The following AGPAT3 variants were observed in gnomAD, a reference collection of about 807,000 sequenced individuals.
The protein encoded by AGPAT3 is 1-acylglycerol-3-phosphate O-acyltransferase 3, also known as 1-acyl-sn-glycerol-3-phosphate acyltransferase gamma.
Under a neutral mutation model 47.3 loss-of-function variants are expected in AGPAT3, and 5 were observed. The observed-to-expected ratio is 0.11, with a 90% CI of 0.06 to 0.22. The LOEUF is 0.22. AGPAT3 is among the 10% of genes least tolerant of loss of function. The pLI is 1.00. For missense variants in AGPAT3, 315 were observed against 493.0 expected (o/e 0.64, Z 3.42); for synonymous variants, 212 against 208.3 (o/e 1.02, Z -0.15).
chr21:43,977,984 C>T (rs1181815149), intron 7 of AGPAT3, 62 bp from the exon 8 acceptor site: 2 of 1,405,060 alleles, frequency 1.4e-6, no homozygotes, highest in Non-Finnish European at 2.0e-6. Flanking sequence ...TCCCCTGTGC[C>T]CTCTTTCTAG....
In AGPAT3 at chr21:43,916,902, G is replaced by A. The variant is rs189892247; in HGVS notation, c.-49+12883G>A. Among the ~76,000 whole-genome samples, 172 of 152,278 alleles carry A rather than the reference G, an allele frequency of 1.1e-3. 2 individuals are homozygous for A. The East Asian group carries it at 0.028, about 25-fold the overall frequency. On this transcript the variant is annotated intron_variant, in intron 2 of 9. Transcript: ENST00000291572. ...TTTTGGTGGTGTTGAGCGGATAGCC[G>A]GGGAAGTTGGAGTCTTGTTTGTGGC...
At chr21:43,972,552 A>C (rs1346593945) in intron 7 of AGPAT3, among the ~76,000 whole-genome samples, 1 of 152,120 alleles carries the variant, frequency 6.6e-6, no homozygotes, top group Non-Finnish European at 1.5e-5. Flanking sequence ...AGACCCCAGG[A>C]GGAGCCTGGG....
chr21:43,915,404 G>GC (rs2086705592), intron 2 of AGPAT3, among the ~76,000 whole-genome samples: 2 of 74,328 alleles, frequency 2.7e-5, no homozygotes, highest in African/African-American at 5.5e-5. Flanking sequence ...TTCTTGATTA[G>GC]CTTTTTTTTT....
chr21:43,945,873 G>A (rs937127222), intron 2 of AGPAT3, among the ~76,000 whole-genome samples: 10 of 152,170 alleles, frequency 6.6e-5, no homozygotes, highest in South Asian at 6.2e-4. Context: ...GCACAGGAGC[G>A]TGGCTTTGTC....
intron 1 of AGPAT3, among the ~76,000 whole-genome samples, chr21:43,878,734 G>A (rs1372308573): frequency 6.9e-6 from 1 of 144,838 alleles, no homozygotes; most frequent in African/African-American, 2.7e-5. Context: ...ATTTCCATTT[G>A]TCTTTTTTTT....
Position 43,930,390 on chromosome 21 carries a change from C to T in AGPAT3, c.-49+26371C>T, listed in dbSNP as rs2087201032. On this transcript the variant is annotated intron_variant, in intron 2 of 9. Transcript: ENST00000291572. This position sits in a 1 kb window ranked among gnomAD's most constrained non-coding sequence, Gnocchi z 5.0. ...TAGCGGGGCAGAGCTGTGCTGAGCGCTGAGGGATCATTTGTGTAAAGCACC... is the reference window on the plus strand; with the variant it reads ...TAGCGGGGCAGAGCTGTGCTGAGCGTTGAGGGATCATTTGTGTAAAGCACC... 6.6e-6 allele frequency among the ~76,000 whole-genome samples: 1 copy of T among 152,166 alleles called. No individual in the cohort carries two copies. Among genetic ancestry groups the T allele is most frequent in the African/African-American group, 2.4e-5 (1 of 41,430 alleles).
At chr21:43,977,489 A>G (rs1360047865) in intron 7 of AGPAT3, among the ~76,000 whole-genome samples, 1 of 152,232 alleles carries the variant, frequency 6.6e-6, no homozygotes, top group Non-Finnish European at 1.5e-5. Flanking sequence ...CCTGCACAGA[A>G]GGCCACATCC....
intron 2 of AGPAT3, among the ~76,000 whole-genome samples, chr21:43,956,018 A>G (rs1269886669): frequency 6.6e-6 from 1 of 152,074 alleles, no homozygotes; most frequent in Non-Finnish European, 1.5e-5. Flanking sequence ...GCTGGCCCTC[A>G]AGCAGGCTTC....
intron 2 of AGPAT3, among the ~76,000 whole-genome samples, chr21:43,943,248 G>A (rs767915130): frequency 3.3e-5 from 5 of 151,986 alleles, no homozygotes; most frequent in Non-Finnish European, 7.4e-5. Context: ...CTAATTTTTT[G>A]TATTTTTAAT....
chr21:43,944,467 C>G (rs1373795653), intron 2 of AGPAT3, among the ~76,000 whole-genome samples: 1 of 152,252 alleles, frequency 6.6e-6, no homozygotes, highest in Non-Finnish European at 1.5e-5. Flanking sequence ...CCAGGGCACT[C>G]TCTTTCCTGG....
At chr21:43,884,230 C>T (rs2085916639) in intron 1 of AGPAT3, among the ~76,000 whole-genome samples, 1 of 151,886 alleles carries the variant, frequency 6.6e-6, no homozygotes, top group African/African-American at 2.4e-5. Flanking sequence ...TTCCTCCTCT[C>T]CTCTTCCCCA....
At chr21:43,884,135 CTCGCAGGCCT>C (rs1478895641) in intron 1 of AGPAT3, among the ~76,000 whole-genome samples, 10 of 152,192 alleles carry the variant, frequency 6.6e-5, no homozygotes, top group Admixed American at 2.0e-4. Flanking sequence ...CCAGTCTCAG[CTCGCAGGCCT>C]TCCTGGACGT....
intron 8 of AGPAT3, among the ~76,000 whole-genome samples, chr21:43,979,298 C>CAAA (rs540542305): frequency 0.014 from 828 of 57,602 alleles, 27 homozygotes; most frequent in African/African-American, 0.034. Context: ...GACTCCAACT[C>CAAA]AAAAAAAAAA....
chr21:43,926,860 C>T (rs2087072246), intron 2 of AGPAT3, among the ~76,000 whole-genome samples: 1 of 150,754 alleles, frequency 6.6e-6, no homozygotes, highest in Admixed American at 6.7e-5. Flanking sequence ...ACTTGGGAGG[C>T]TGAGGCAGGA....
At chr21:43,883,646 TAC>T (rs1161587877) in intron 1 of AGPAT3, among the ~76,000 whole-genome samples, 4 of 152,206 alleles carry the variant, frequency 2.6e-5, no homozygotes, top group Non-Finnish European at 5.9e-5. Flanking sequence ...CAGGCTGGAG[TAC>T]AGTGGTATAA....
chr21:43,967,402 C>T (rs1443878066), intron 3 of AGPAT3: 1 of 152,972 alleles, frequency 6.5e-6, no homozygotes, highest in Non-Finnish European at 1.5e-5. Context: ...CCCAGCCGGC[C>T]TTCCTGGGGG....
chr21:43,899,818 G>A (rs2086311157), intron 1 of AGPAT3, among the ~76,000 whole-genome samples: 1 of 152,228 alleles, frequency 6.6e-6, no homozygotes, highest in South Asian at 2.1e-4. Flanking sequence ...ATGACTGGGA[G>A]TGGTAGAGAT....
At chr21:43,884,563 G>A (rs1257769716) in intron 1 of AGPAT3, among the ~76,000 whole-genome samples, 1 of 152,218 alleles carries the variant, frequency 6.6e-6, no homozygotes, top group Non-Finnish European at 1.5e-5. Flanking sequence ...GGTGGGTGAG[G>A]CTGGGGTGCC....
chr21:43,975,768 G>A (rs954776348), intron 7 of AGPAT3, among the ~76,000 whole-genome samples: 2 of 152,152 alleles, frequency 1.3e-5, no homozygotes, highest in African/African-American at 2.4e-5. Context: ...GGCTTACAAC[G>A]CAGCGATTTG....
Sources: gnomAD v4.1 joint callset for allele counts (sites outside exome capture counted in the v4.1 genomes callset) on GRCh38, gnomAD v4.1.1 for gene constraint, Gnocchi (gnomAD v3.1) non-coding constraint, MANE v1.5 for transcripts, NCBI Gene and HGNC (gene_info 2026-07-23, HGNC 2026-07-21) for gene names.